The following PACRG variants were observed in gnomAD, a reference collection of about 807,000 sequenced individuals.
PACRG encodes the protein parkin coregulated, also known as parkin coregulated gene protein.
In PACRG, 29 loss-of-function variants were observed where a neutral mutation model predicts 29.7. The ratio of observed to expected loss-of-function variants is 0.98; its 90% CI spans 0.73 to 1.33. The LOEUF is 1.33. PACRG is among the 40% of genes most tolerant of loss of function. The pLI is 0.00. For missense variants in PACRG, 279 were observed against 316.2 expected (o/e 0.88, Z 0.89); for synonymous variants, 116 against 118.7 (o/e 0.98, Z 0.15).
rs58163044 is a variant in PACRG at position 163,155,549 on chromosome 6, T to A, written c.613+66141T>A. On this transcript the variant is annotated intron_variant, in intron 4 of 4. Transcript: ENST00000366888. Reference sequence around the variant, plus strand: ...CAGATTCAACAAACTACTGACCTTTTTGTAATCTCTAGAAACTTTTTGGAG... The same window carrying A: ...CAGATTCAACAAACTACTGACCTTTATGTAATCTCTAGAAACTTTTTGGAG... Among the ~76,000 whole-genome samples, 1,163 of 152,356 alleles carry A rather than the reference T, an allele frequency of 7.6e-3. 13 individuals carry two copies. The highest frequency in any genetic ancestry group is 0.027 in the African/African-American group (1,114 of 41,588).
intron 2 of PACRG, among the ~76,000 whole-genome samples, chr6:162,874,067 A>G (rs1006879255): frequency 3.3e-5 from 5 of 151,788 alleles, no homozygotes; most frequent in African/African-American, 1.2e-4. Context: ...CATAAACTCA[A>G]TATTGGAATG....
rs75910624 is a variant in PACRG at position 163,146,744 on chromosome 6, T to A, written c.613+57336T>A. On this transcript the variant is annotated intron_variant, in intron 4 of 4. Coordinates refer to ENST00000366888, the MANE Select transcript of PACRG (RefSeq NM_001080379.2). ...ACATCTTTTAAGTTCAATCTGTTCT[T>A]GTATTTTGCCTTACAAACTAACATG... 6.3e-3 allele frequency among the ~76,000 whole-genome samples: 954 copies of A among 152,382 alleles called. 6 individuals are homozygous for A. Among genetic ancestry groups the A allele is most frequent in the African/African-American group, 0.02 (816 of 41,598 alleles).
At chr6:162,909,144 T>C (rs1796131052) in intron 2 of PACRG, among the ~76,000 whole-genome samples, 1 of 152,224 alleles carries the variant, frequency 6.6e-6, no homozygotes. Context: ...CAAATGATCA[T>C]ACTCTTTCAG....
chr6:163,297,953 A>G (rs531304455), intron 4 of PACRG, among the ~76,000 whole-genome samples: 1 of 152,196 alleles, frequency 6.6e-6, no homozygotes, highest in Non-Finnish European at 1.5e-5. Flanking sequence ...TGTCCTCTGC[A>G]TTGCTTAACA....
At chr6:163,056,553 G>T (rs964039285) in intron 2 of PACRG, among the ~76,000 whole-genome samples, 2 of 152,082 alleles carry the variant, frequency 1.3e-5, no homozygotes, top group Admixed American at 1.3e-4. Flanking sequence ...TGTGTCCCTG[G>T]CAGTGATGAG....
chr6:163,154,719 G>C (rs55682607), intron 4 of PACRG, among the ~76,000 whole-genome samples: 1 of 152,164 alleles, frequency 6.6e-6, no homozygotes, highest in Admixed American at 6.5e-5. Context: ...AAATATTTAA[G>C]ACATGCTTAT....
intron 2 of PACRG, among the ~76,000 whole-genome samples, chr6:162,878,355 A>G (rs1216173754): frequency 1.3e-5 from 2 of 152,242 alleles, no homozygotes; most frequent in African/African-American, 2.4e-5. Context: ...ACTAAGTAAA[A>G]AAACACACCA....
intron 4 of PACRG, among the ~76,000 whole-genome samples, chr6:163,185,980 G>A (rs1779904399): frequency 6.6e-6 from 1 of 152,114 alleles, no homozygotes; most frequent in South Asian, 2.1e-4. Flanking sequence ...GAGTGGGGGA[G>A]GGCGTGCCCC....
chr6:162,979,468 G>A (rs1200834742), intron 2 of PACRG, among the ~76,000 whole-genome samples: 1 of 152,028 alleles, frequency 6.6e-6, no homozygotes, highest in East Asian at 1.9e-4. Context: ...TCATTCTGTA[G>A]GTTGTCTCTT....
In PACRG at chr6:163,147,850, A is replaced by G. The variant is rs541753198; in HGVS notation, c.613+58442A>G. On this transcript the variant is annotated intron_variant, in intron 4 of 4. Transcript: ENST00000366888. The stretch of plus-strand genomic sequence containing the variant: ...CCGGGGAAGATGCTACCCCCTTAGC[A>G]ATGCCCCTCTAGCACCTTTCTTTAC... Among the ~76,000 whole-genome samples, 57 of 152,258 alleles carry G rather than the reference A, an allele frequency of 3.7e-4. No individual in the cohort carries two copies. In the South Asian group the frequency reaches 0.011, roughly 30 times the overall value.
chr6:163,251,213 G>A (rs1051084726), intron 4 of PACRG, among the ~76,000 whole-genome samples: 12 of 151,730 alleles, frequency 7.9e-5, no homozygotes, highest in African/African-American at 1.7e-4. Flanking sequence ...ACTAAAGAAC[G>A]TACTCATGTA....
intron 4 of PACRG, among the ~76,000 whole-genome samples, chr6:163,160,368 G>C (rs74844703): frequency 9.5e-4 from 145 of 152,276 alleles, no homozygotes; most frequent in African/African-American, 3.3e-3. Flanking sequence ...ACCTCAAGCT[G>C]TCTTGTCAAG....
At chr6:163,040,339 G>T (rs1430653796) in intron 2 of PACRG, among the ~76,000 whole-genome samples, 4 of 152,258 alleles carry the variant, frequency 2.6e-5, no homozygotes, top group Non-Finnish European at 5.9e-5. Flanking sequence ...GATGTCTGCT[G>T]CAAGGGCAGA....
chr6:162,727,301 C>CGGCGGCGGGGCGAAGGTGAGG, upstream of PACRG: 2 of 334,710 alleles, frequency 6.0e-6, no homozygotes, highest in African/African-American at 2.2e-5. Flanking sequence ...AGGTGAGGGG[C>CGGCGGCGGGGCGAAGGTGAGG]GGCGGCGGGG....
chr6:162,764,890 C>G (rs955093144), intron 1 of PACRG, among the ~76,000 whole-genome samples: 9 of 151,672 alleles, frequency 5.9e-5, no homozygotes, highest in Admixed American at 5.9e-4. Flanking sequence ...ATTACAGGCA[C>G]CTGCCACCAC....
chr6:162,759,941 G>A (rs1782215691), intron 1 of PACRG, among the ~76,000 whole-genome samples: 1 of 152,186 alleles, frequency 6.6e-6, no homozygotes, highest in Non-Finnish European at 1.5e-5. Flanking sequence ...GCATAGATTT[G>A]TGCAAGGAGC....
chr6:163,001,715 T>A (rs938657517), intron 2 of PACRG, among the ~76,000 whole-genome samples: 4 of 152,212 alleles, frequency 2.6e-5, no homozygotes, highest in Non-Finnish European at 4.4e-5. Context: ...TATGATCTTG[T>A]TTGTGGGTTT....
At chr6:163,047,977 A>T (rs1333423508) in intron 2 of PACRG, among the ~76,000 whole-genome samples, 1 of 152,188 alleles carries the variant, frequency 6.6e-6, no homozygotes, top group African/African-American at 2.4e-5. Context: ...GTGAACTTTT[A>T]AAAAATATTT....
intron 2 of PACRG, among the ~76,000 whole-genome samples, chr6:162,940,339 G>T (rs1255811177): frequency 6.6e-6 from 1 of 151,752 alleles, no homozygotes; most frequent in Non-Finnish European, 1.5e-5. Flanking sequence ...TTTGTTTCCT[G>T]CTCTTTATAT....
Sources: allele counts gnomAD v4.1 joint callset (sites outside exome capture counted in the v4.1 genomes callset), GRCh38; gene constraint gnomAD v4.1.1; transcripts MANE v1.5; gene names NCBI Gene and HGNC (gene_info 2026-07-23, HGNC 2026-07-21).